The following YTHDC2 variants were observed in gnomAD, a reference collection of about 807,000 sequenced individuals.
The protein encoded by YTHDC2 is 3'-5' RNA helicase YTHDC2.
Under a neutral mutation model 174.9 loss-of-function variants are expected in YTHDC2, and 45 were observed. That is an observed-to-expected ratio of 0.26 (90% CI 0.20 to 0.33). The LOEUF (loss-of-function observed/expected upper bound fraction) is 0.33. Among genes scored for constraint, YTHDC2 ranks in the 10% least tolerant of loss-of-function variants. The probability of loss-of-function intolerance (pLI) is 1.00; values close to 1 mark genes in which losing one functional copy is unlikely to be tolerated. For synonymous variants in YTHDC2, 657 were observed against 574.5 expected, an observed-to-expected ratio of 1.14 and a Z score of -2.05; for missense variants, 1,650 against 1,723.7, an observed-to-expected ratio of 0.96 and a Z score of 0.76.
rs775318167 is a variant in YTHDC2 at position 113,513,921 on chromosome 5, C to T, written c.26C>T (p.Pro9Leu). ...ATGTCCAGGCCGAGCAGCGTCTCCC[C>T]GCGGCAGCCGGCTCCTGGCGGTGGC... is the stretch of plus-strand genomic sequence containing the variant. Reference protein sequence around the residue: MSRPSSVSPRQPAPGGGGG... With the variant: MSRPSSVSLRQPAPGGGGG... Residue 9 changes from proline (P) to leucine (L), a missense_variant, in exon 1 of 30, where the codon CCG becomes CTG. Physicochemically the swap from Pro to Leu is moderately conservative, Grantham distance 98. Around this residue, in one of 5 missense-constraint regions of YTHDC2, gnomAD observed 304 missense variants for 341.4 expected, o/e 0.89. Transcript: ENST00000161863. 6 of 1,605,576 alleles carry T rather than the reference C, an allele frequency of 3.7e-6. No homozygotes were observed. In the South Asian group the frequency reaches 4.4e-5, roughly 12 times the overall value.
chr5:113,554,646 T>A (rs1361287108), intron 16 of YTHDC2, among the ~76,000 whole-genome samples: 1 of 152,014 alleles, frequency 6.6e-6, no homozygotes, highest in African/African-American at 2.4e-5. Context: ...GCCTTCATAC[T>A]GCAAGGCAGA....
intron 26 of YTHDC2, among the ~76,000 whole-genome samples, chr5:113,587,766 C>G (rs570538930): frequency 8.6e-5 from 13 of 151,024 alleles, no homozygotes; most frequent in South Asian, 2.1e-4. Flanking sequence ...TTCATATAAA[C>G]TTTAAAGTCA....
At chr5:113,566,981 G>C (rs1022575091) in intron 21 of YTHDC2, 111 bp from the exon 22 acceptor site, 2 of 1,202,592 alleles carry the variant, frequency 1.7e-6, no homozygotes, top group Admixed American at 2.8e-5. Flanking sequence ...ATTAATTATC[G>C]TGAAATTTGA....
chr5:113,519,361 G>C (rs1454489395), intron 2 of YTHDC2, among the ~76,000 whole-genome samples: 1 of 151,936 alleles, frequency 6.6e-6, no homozygotes, highest in Non-Finnish European at 1.5e-5. Flanking sequence ...TTAAAGTCAC[G>C]CTGAGGTCAG....
rs34053583 is a variant in YTHDC2 at position 113,553,157 on chromosome 5, CTTTTTT to C, written c.1689-9_1689-4del. On this transcript the variant is annotated intron_variant, in intron 12 of 29. Transcript: ENST00000161863. ...TTTTGTTAATGGAAATTGACTTTGTCTTTTTTTTTTTTTTTTTTTTCAGTGCTACAC... is the reference window on the plus strand; with the variant it reads ...TTTTGTTAATGGAAATTGACTTTGTCTTTTTTTTTTTTTTCAGTGCTACAC... 2.9e-4 allele frequency: 313 copies of C among 1,097,360 alleles called. No homozygotes were observed. The highest frequency in any genetic ancestry group is 9.8e-4 in the East Asian group (27 of 27,604). 68.0% of individuals were successfully genotyped at this position (1,097,360 alleles called of 1,614,324 possible). A position where few individuals can be genotyped will look rare whatever the true frequency, so the allele number is the denominator to read the frequency against.
Position 113,564,282 on chromosome 5 carries a change from T to G in YTHDC2, c.2715+151T>G, listed in dbSNP as rs1333042186. ...CACATTAATAGTCCTGAAAAATATC[T>G]TCTTGCTGTTGTTATGTTAAAATTA... On this transcript the variant is annotated intron_variant, in intron 20 of 29. Transcript: ENST00000161863. 7.5e-6 allele frequency: 7 copies of G among 939,020 alleles called. No individual in the cohort carries two copies. In the Admixed American group the frequency reaches 1.0e-4, roughly 14 times the overall value. The allele number at this position is 939,020 out of a possible 1,614,324, so 58.2% of individuals were successfully genotyped here.
intron 9 of YTHDC2, 65 bp downstream of exon 9, chr5:113,541,181 A>C (rs1391032345): frequency 1.3e-6 from 2 of 1,499,088 alleles, no homozygotes; most frequent in Non-Finnish European, 1.8e-6. Flanking sequence ...AGAACATTTT[A>C]TGAGCTTATA....
At chr5:113,541,763 A>G (rs940405880) in intron 9 of YTHDC2, among the ~76,000 whole-genome samples, 1 of 152,080 alleles carries the variant, frequency 6.6e-6, no homozygotes, top group Admixed American at 6.6e-5. Flanking sequence ...ACATCTTTAT[A>G]GATATGCACG....
intron 3 of YTHDC2, 60 bp downstream of exon 3, chr5:113,525,237 C>T (rs910649776): frequency 7.5e-7 from 1 of 1,332,970 alleles, no homozygotes; most frequent in African/African-American, 1.5e-5. Context: ...GTTCTTTTTC[C>T]ATTTTAGATT....
chr5:113,514,269 A>T (rs779594918), intron 1 of YTHDC2, 187 bp downstream of exon 1: 7 of 739,498 alleles, frequency 9.5e-6, no homozygotes, highest in Middle Eastern at 2.2e-4. Flanking sequence ...CTGCGGTGGA[A>T]TGCGAGGTGC....
At chr5:113,519,829 A>G (rs917228605) in intron 2 of YTHDC2, among the ~76,000 whole-genome samples, 3 of 152,224 alleles carry the variant, frequency 2.0e-5, no homozygotes, top group African/African-American at 7.2e-5. Context: ...ATTTACTCAC[A>G]CAAATGCCAT....
chr5:113,553,491 T>G (rs1217919082), intron 13 of YTHDC2, 99 bp from the exon 14 acceptor site: 1 of 1,452,144 alleles, frequency 6.9e-7, no homozygotes, highest in Non-Finnish European at 9.4e-7. Context: ...TATGATAGTT[T>G]ACCAGTACTT....
At chr5:113,538,881 A>G (rs371220357) in intron 7 of YTHDC2, among the ~76,000 whole-genome samples, 193 bp from the exon 8 acceptor site, 7 of 152,200 alleles carry the variant, frequency 4.6e-5, no homozygotes, top group African/African-American at 1.7e-4. Flanking sequence ...AAAAAACCCA[A>G]GCACACAAAC....
At chr5:113,573,337 A>G (rs1488921987) in intron 23 of YTHDC2, among the ~76,000 whole-genome samples, 2 of 152,130 alleles carry the variant, frequency 1.3e-5, no homozygotes, top group African/African-American at 2.4e-5. Context: ...TTAGAGGTCT[A>G]CTGTTAGTCT....
At chr5:113,521,762 A>G (rs1305629806) in intron 2 of YTHDC2, among the ~76,000 whole-genome samples, 3 of 151,024 alleles carry the variant, frequency 2.0e-5, no homozygotes, top group African/African-American at 7.3e-5. Context: ...ACCCAGAAAA[A>G]TAAATTTACT....
At chr5:113,571,460 A>G (rs1281719353) in intron 23 of YTHDC2, among the ~76,000 whole-genome samples, 1 of 152,168 alleles carries the variant, frequency 6.6e-6, no homozygotes, top group Non-Finnish European at 1.5e-5. Flanking sequence ...TATCTCTGTC[A>G]GGCTTTGGTA....
Position 113,553,955 on chromosome 5 carries a change from A to G in YTHDC2, c.2066A>G (p.Asn689Ser), listed in dbSNP as rs142740872. 36 of 1,586,178 alleles carry G rather than the reference A, an allele frequency of 2.3e-5. No homozygotes were observed. Among genetic ancestry groups the G allele is most frequent in the Middle Eastern group, 1.7e-4 (1 of 5,858 alleles). Residue 689 changes from asparagine (N) to serine (S), a missense_variant, in exon 16 of 30, where the codon AAT becomes AGT. By Grantham distance (46) the Asn-to-Ser change is conservative. Transcript: ENST00000161863. ...AGVRKIILST[N>S]IAETSITVND... ...ATCTTGTTGCAGATTCTTTCCACCA[A>G]TATTGCTGAAACCAGCATCACAGTC...
In YTHDC2 at chr5:113,594,825, A is replaced by C. The variant is rs1227095600; in HGVS notation, c.*1351A>C. On this transcript the variant is annotated 3_prime_UTR_variant, in exon 30 of 30. Coordinates refer to ENST00000161863, the MANE Select transcript of YTHDC2 (RefSeq NM_022828.5). ...GTTTTATATTTGAGAACACGTGAAA[A>C]ATCATGGGTCAACATAAAATCTTGA... 5 of 152,192 alleles carry C rather than the reference A, an allele frequency of 3.3e-5. No homozygotes were observed. The highest frequency in any genetic ancestry group is 7.3e-5 in the Non-Finnish European group (5 of 68,028). The allele number at this position is 152,192 out of a possible 1,614,324, so 9.4% of individuals were successfully genotyped here.
At chr5:113,564,703 AT>A (rs1409771151) in intron 20 of YTHDC2, among the ~76,000 whole-genome samples, 1 of 152,214 alleles carries the variant, frequency 6.6e-6, no homozygotes, top group Non-Finnish European at 1.5e-5. Flanking sequence ...GGGAAGACAA[AT>A]TAAATGTAAT....
Sources: allele counts gnomAD v4.1 joint callset (sites outside exome capture counted in the v4.1 genomes callset), GRCh38; gene constraint gnomAD v4.1.1; regional missense constraint gnomAD v4.1.1; transcripts MANE v1.5; gene names NCBI Gene and HGNC (gene_info 2026-07-23, HGNC 2026-07-21).